The following SYT1 variants were observed in gnomAD, a reference collection of about 807,000 sequenced individuals.
SYT1 encodes the protein synaptotagmin 1.
Under a neutral mutation model 44.8 loss-of-function variants are expected in SYT1, and 8 were observed. The observed-to-expected ratio is 0.18, with a 90% CI of 0.10 to 0.32. The LOEUF (loss-of-function observed/expected upper bound fraction) is 0.32, where lower values mean the gene tolerates loss of function less well. Ranked by LOEUF, SYT1 falls within the 10% of genes least tolerant of loss-of-function variation. The probability of loss-of-function intolerance (pLI) is 1.00; values close to 1 mark genes in which losing one functional copy is unlikely to be tolerated. For missense variants in SYT1, 286 were observed against 509.3 expected (o/e 0.56, Z 4.22); for synonymous variants, 154 against 188.8 (o/e 0.82, Z 1.51).
intron 3 of SYT1, among the ~76,000 whole-genome samples, chr12:79,157,532 C>G (rs1246344043): frequency 6.6e-6 from 1 of 152,096 alleles, no homozygotes; most frequent in Non-Finnish European, 1.5e-5. Context: ...AAATAATGTA[C>G]TCATTTGACC....
chr12:78,985,933 C>A (rs1410810507), intron 2 of SYT1, among the ~76,000 whole-genome samples: 3 of 151,862 alleles, frequency 2.0e-5, no homozygotes, highest in South Asian at 2.1e-4. Flanking sequence ...TTTCGAAAAG[C>A]ACTTTGAAGG....
At chr12:78,891,394 C>T (rs1464862867) in intron 1 of SYT1, among the ~76,000 whole-genome samples, 1 of 151,888 alleles carries the variant, frequency 6.6e-6, no homozygotes, top group Non-Finnish European at 1.5e-5. Context: ...GAGCATTAAA[C>T]TCAACATTTT....
At chr12:79,446,627 A>G (rs1565961809) in intron 10 of SYT1, among the ~76,000 whole-genome samples, 1 of 152,176 alleles carries the variant, frequency 6.6e-6, no homozygotes, top group Non-Finnish European at 1.5e-5. Context: ...ATAGTTTTAA[A>G]TACAACCTTT....
chr12:79,373,986 A>G (rs1883893973), intron 9 of SYT1, among the ~76,000 whole-genome samples: 1 of 152,248 alleles, frequency 6.6e-6, no homozygotes, highest in East Asian at 1.9e-4. Flanking sequence ...AACATAATCT[A>G]TAAACCAATT....
At chr12:79,246,211 G>A (rs562174480) in intron 4 of SYT1, among the ~76,000 whole-genome samples, 5 of 152,040 alleles carry the variant, frequency 3.3e-5, no homozygotes, top group Non-Finnish European at 7.4e-5. Context: ...TCCAAAAGAC[G>A]AGGCAATGTG....
intron 9 of SYT1, among the ~76,000 whole-genome samples, chr12:79,382,298 A>G (rs758227965): frequency 1.3e-4 from 20 of 152,194 alleles, no homozygotes; most frequent in Non-Finnish European, 2.6e-4. Context: ...TGCTTTCTGT[A>G]TGATACTTCA....
chr12:79,047,239 A>G (rs548813022), intron 2 of SYT1, 58 bp from the exon 3 acceptor site: 3 of 151,836 alleles, frequency 2.0e-5, no homozygotes, highest in African/African-American at 7.2e-5. Flanking sequence ...TTTATGACAA[A>G]AATGATTCTG....
rs1871062017 is a variant in SYT1, at chr12:79,451,605, C to G, written c.*2481C>G. The stretch of plus-strand genomic sequence containing the variant: ...CACCATAGAATTAGTTGGTACTATG[C>G]CATCTTTCACTCTTTCACAAGTCAG... On this transcript the variant is annotated 3_prime_UTR_variant, in exon 11 of 11. Coordinates refer to ENST00000261205, the MANE Select transcript of SYT1 (RefSeq NM_005639.3). 1 of 152,194 alleles carries G rather than the reference C, an allele frequency of 6.6e-6. No individual in the cohort carries two copies. The highest frequency in any genetic ancestry group is 1.5e-5 in the Non-Finnish European group (1 of 68,032). The allele number at this position is 152,194 out of a possible 1,614,324, so 9.4% of individuals were successfully genotyped here. A position where few individuals can be genotyped will look rare whatever the true frequency, so the allele number is the denominator to read the frequency against.
At chr12:79,050,721 T>C (rs1022581714) in intron 3 of SYT1, among the ~76,000 whole-genome samples, 41 of 152,106 alleles carry the variant, frequency 2.7e-4, no homozygotes, top group Middle Eastern at 3.2e-3. Context: ...GTGATTCTAA[T>C]GGAAGGCAGA....
At chr12:79,242,778 G>A (rs1395125391) in intron 4 of SYT1, among the ~76,000 whole-genome samples, 3 of 152,108 alleles carry the variant, frequency 2.0e-5, no homozygotes, top group Admixed American at 6.5e-5. Flanking sequence ...AAGACTGTGT[G>A]TTATATTTAA....
At chr12:79,143,567 C>T (rs529990606) in intron 3 of SYT1, among the ~76,000 whole-genome samples, 154 of 152,318 alleles carry the variant, frequency 1.0e-3, no homozygotes, top group African/African-American at 3.5e-3. Flanking sequence ...AATGTTGACA[C>T]TGCTGCAGAT....
chr12:79,129,071 T>C (rs7135927), intron 3 of SYT1, among the ~76,000 whole-genome samples: 21,148 of 152,186 alleles, frequency 0.14, 1,523 homozygotes, highest in South Asian at 0.19. Context: ...TACAGTCCCC[T>C]AGACCCTCCT....
chr12:79,132,897 GA>G (rs1022394294), intron 3 of SYT1, among the ~76,000 whole-genome samples: 3 of 152,062 alleles, frequency 2.0e-5, no homozygotes, highest in Admixed American at 6.6e-5. Flanking sequence ...TATACACAAT[GA>G]AATACTATAT....
At chr12:79,443,429 A>G (rs866996404) in intron 9 of SYT1, among the ~76,000 whole-genome samples, 18 of 152,182 alleles carry the variant, frequency 1.2e-4, no homozygotes, top group African/African-American at 4.3e-4. Flanking sequence ...GTCAACTTGT[A>G]GTTTCATGTC....
At chr12:79,129,166 TAA>T (rs1868642435) in intron 3 of SYT1, among the ~76,000 whole-genome samples, 1 of 152,220 alleles carries the variant, frequency 6.6e-6, no homozygotes, top group Non-Finnish European at 1.5e-5. Flanking sequence ...AGGACTGCAA[TAA>T]TTGGTGTGGC....
At chr12:79,239,850 A>G (rs1876398138) in intron 4 of SYT1, among the ~76,000 whole-genome samples, 1 of 152,224 alleles carries the variant, frequency 6.6e-6, no homozygotes, top group African/African-American at 2.4e-5. Context: ...TGAGACCCTC[A>G]GTTCCTAAAG....
chr12:79,269,711 C>T (rs543331041), intron 4 of SYT1, among the ~76,000 whole-genome samples: 18 of 152,052 alleles, frequency 1.2e-4, no homozygotes, highest in African/African-American at 4.3e-4. Flanking sequence ...CACACACACA[C>T]ACAATGCACA....
At chr12:79,068,859 A>G (rs1422073528) in intron 3 of SYT1, among the ~76,000 whole-genome samples, 1 of 152,106 alleles carries the variant, frequency 6.6e-6, no homozygotes, top group Non-Finnish European at 1.5e-5. Context: ...AAAAATTTTG[A>G]TATTTCTTTA....
chr12:78,945,866 T>G (rs900217582), intron 1 of SYT1, among the ~76,000 whole-genome samples: 1 of 152,148 alleles, frequency 6.6e-6, no homozygotes, highest in African/African-American at 2.4e-5. Context: ...AAGGCAGCCC[T>G]TCTTGGTTTT....
Sources: allele counts gnomAD v4.1 joint callset (sites outside exome capture counted in the v4.1 genomes callset), GRCh38; gene constraint gnomAD v4.1.1; transcripts MANE v1.5; gene names NCBI Gene and HGNC (gene_info 2026-07-23, HGNC 2026-07-21).